BCORL1: variants seen among roughly 807,000 people sequenced by gnomAD.
BCORL1 encodes BCL6 corepressor like 1, also known as BCL-6 corepressor-like protein 1.
In BCORL1, 7 loss-of-function variants were observed where a neutral mutation model predicts 87.6. The observed-to-expected ratio is 0.08, with a 90% CI of 0.05 to 0.15. BCORL1 has a LOEUF of 0.15. BCORL1 is among the 10% of genes least tolerant of loss of function. The pLI is 1.00. For missense variants in BCORL1, 1,215 were observed against 1,499.7 expected, an observed-to-expected ratio of 0.81 and a Z score of 3.13; for synonymous variants, 591 against 634.4, an observed-to-expected ratio of 0.93 and a Z score of 1.03.
intron 11 of BCORL1, among the ~76,000 whole-genome samples, chrX:130,047,463 T>G (rs938239920): frequency 1.2e-4 from 13 of 112,347 alleles, no homozygotes; most frequent in African/African-American, 4.2e-4. Context: ...GTTTGAGCTT[T>G]AGCTTCTTTG....
At chrX:130,028,145 A>G (rs1209476281) in intron 7 of BCORL1, among the ~76,000 whole-genome samples, 1 of 111,253 alleles carries the variant, frequency 9.0e-6, no homozygotes, top group Non-Finnish European at 1.9e-5. Flanking sequence ...GAGAGTGACA[A>G]ATGGGGCAGT....
intron 8 of BCORL1, 51 bp downstream of exon 8, chrX:130,028,912 GAGGAGGCAGGAGGGGGGTGGGGGAT>G: frequency 4.1e-6 from 1 of 244,408 alleles, no homozygotes; most frequent in Non-Finnish European, 7.5e-6. Context: ...CGGGGGGTCA[GAGGAGGCAGGAGGGGGGTGGGGGAT>G]GGGGAGGATC....
intron 13 of BCORL1, among the ~76,000 whole-genome samples, chrX:130,054,560 A>G (rs2124590757): frequency 9.0e-6 from 1 of 110,696 alleles, no homozygotes; most frequent in South Asian, 3.8e-4. Flanking sequence ...AGAGAGAGAC[A>G]GAGAAAGAGA....
intron 2 of BCORL1, among the ~76,000 whole-genome samples, chrX:130,011,306 C>T (rs971937575): frequency 9.1e-6 from 1 of 109,547 alleles, no homozygotes; most frequent in Non-Finnish European, 1.9e-5. Context: ...GGTGGGATCT[C>T]GGCTCACTGC....
At chrX:129,983,303 C>T (rs1603049862) in intron 1 of BCORL1, among the ~76,000 whole-genome samples, 1 of 109,398 alleles carries the variant, frequency 9.1e-6, no homozygotes, top group Admixed American at 9.7e-5. Flanking sequence ...AATTACCCCA[C>T]TCCTCGGAAA....
At chrX:130,023,108 G>A in intron 6 of BCORL1, 131 bp downstream of exon 6, 1 of 556,114 alleles carries the variant, frequency 1.8e-6, no homozygotes, top group Non-Finnish European at 3.0e-6. Context: ...ACAATGCCCA[G>A]CTCCTTGCAG....
intron 1 of BCORL1, among the ~76,000 whole-genome samples, chrX:130,002,615 T>G (rs1603087352): frequency 2.1e-5 from 2 of 96,944 alleles, no homozygotes; most frequent in African/African-American, 3.9e-5. Context: ...CTGAGGGAAA[T>G]GGGGAAGGTG....
chrX:130,032,818 G>A (rs1419555633), intron 8 of BCORL1, among the ~76,000 whole-genome samples: 1 of 109,243 alleles, frequency 9.2e-6, no homozygotes, highest in Non-Finnish European at 1.9e-5. Flanking sequence ...CTGGAGTGCA[G>A]TGGCTCTATC....
At chrX:130,048,895 T>C (rs1931911234) in intron 11 of BCORL1, among the ~76,000 whole-genome samples, 1 of 112,535 alleles carries the variant, frequency 8.9e-6, no homozygotes, top group African/African-American at 3.2e-5. Flanking sequence ...CATTTCATCT[T>C]AATGGAATCA....
intron 1 of BCORL1, among the ~76,000 whole-genome samples, chrX:129,986,602 T>G (rs1424847516): frequency 9.0e-6 from 1 of 111,422 alleles, no homozygotes; most frequent in Non-Finnish European, 1.9e-5. Context: ...GCAGATCACT[T>G]GAGGTCAGGA....
upstream of BCORL1, among the ~76,000 whole-genome samples, chrX:129,980,467 C>G (rs1926021843): frequency 9.0e-6 from 1 of 111,601 alleles, no homozygotes. Context: ...GATAAAGAAA[C>G]TTGCTTCCCG....
upstream of BCORL1, among the ~76,000 whole-genome samples, chrX:129,981,993 G>A (rs1379280746): frequency 1.8e-5 from 2 of 108,947 alleles, no homozygotes; most frequent in African/African-American, 6.7e-5. Flanking sequence ...CAGGCCCCTG[G>A]GAGAAGGGGA....
chrX:129,993,548 T>C (rs1027132826), intron 1 of BCORL1, among the ~76,000 whole-genome samples: 1 of 110,665 alleles, frequency 9.0e-6, no homozygotes, highest in Non-Finnish European at 1.9e-5. Context: ...ATTAGCCAGG[T>C]ATGGTGGTGC....
In BCORL1 at chrX:130,016,225, G is replaced by A. The variant is rs760111778; in HGVS notation, c.3441+12G>A. 3.4e-5 allele frequency: 40 copies of A among 1,182,761 alleles called. No homozygotes were observed. Among genetic ancestry groups the A allele is most frequent in the Non-Finnish European group, 4.3e-5 (38 of 880,841 alleles). On this transcript the variant is annotated intron_variant, in intron 4 of 13. Coordinates refer to ENST00000540052, the MANE Select transcript of BCORL1 (RefSeq NM_001379451.1). The stretch of plus-strand genomic sequence containing the variant: ...CCCACAGACCCAAGGTGAGTGCTGA[G>A]CTAAGGTCCAGGGTGGGGCCGAGAT...
At chrX:130,055,143 C>T (rs1467602622) in intron 13 of BCORL1, among the ~76,000 whole-genome samples, 1 of 111,758 alleles carries the variant, frequency 8.9e-6, no homozygotes, top group Non-Finnish European at 1.9e-5. Context: ...TCAATGTAAG[C>T]GTTTGGCCCG....
chrX:130,012,645 T>C lies in BCORL1; in HGVS notation c.154T>C (p.Cys52Arg). Residue 52 changes from cysteine (C) to arginine (R), a missense_variant, in exon 3 of 14, where the codon TGT becomes CGT. Transcript: ENST00000540052. ...DCQHFGSQEF[C>R]VSSSFSKVEL... ...CCAGCACTTTGGATCTCAGGAGTTT[T>C]GTGTCAGCAGCAGTTTTTCCAAGGT... 2 of 1,211,314 alleles carry C rather than the reference T, an allele frequency of 1.7e-6. No individual in the cohort carries two copies. Among genetic ancestry groups the C allele is most frequent in the Non-Finnish European group, 2.2e-6 (2 of 895,086 alleles).
intron 11 of BCORL1, among the ~76,000 whole-genome samples, chrX:130,042,700 G>A (rs1388603543): frequency 2.7e-5 from 3 of 111,831 alleles, no homozygotes; most frequent in African/African-American, 9.7e-5. Context: ...GGCCAGGCGT[G>A]GTGGCTCACC....
At position 130,052,013 on chromosome X, in the gene BCORL1, G is replaced by A. The variant is rs773739492; in HGVS notation, c.5072G>A (p.Arg1691His). The A allele has an allele frequency of 1.7e-5, 20 of 1,187,963 alleles. No individual in the cohort carries two copies. The highest frequency in any genetic ancestry group is 7.6e-5 in the South Asian group (4 of 52,618). Residue 1691 changes from arginine to histidine, a missense_variant, in exon 13 of 14, where the codon CGC becomes CAC. Physicochemically the swap from Arg to His is conservative, Grantham distance 29. Transcript: ENST00000540052. Reference sequence around the variant, plus strand: ...TACAACCTCCAAGTGTCAGTGTCCCGCGGGTAAGTGTCCGAGAGATCCACG... The same window carrying A: ...TACAACCTCCAAGTGTCAGTGTCCCACGGGTAAGTGTCCGAGAGATCCACG... ...PCYNLQVSVS[R>H]GPCNWFLFSD...
intron 1 of BCORL1, among the ~76,000 whole-genome samples, chrX:130,000,030 C>T (rs143693322): frequency 0.012 from 1,280 of 109,595 alleles, 18 homozygotes; most frequent in African/African-American, 0.041. Context: ...GGGTATCAGC[C>T]AATAGGCTGA....
Sources: allele counts gnomAD v4.1 joint callset (sites outside exome capture counted in the v4.1 genomes callset), GRCh38; gene constraint gnomAD v4.1.1; transcripts MANE v1.5; gene names NCBI Gene and HGNC (gene_info 2026-07-23, HGNC 2026-07-21).